Variants in GCNT2 observed in about 807,000 individuals in gnomAD.
GCNT2 encodes the protein glucosaminyl (N-acetyl) transferase 2 (I blood group).
In GCNT2, 34 loss-of-function variants were observed where a neutral mutation model predicts 34.2. The observed-to-expected ratio is 1.00, with a 90% CI of 0.76 to 1.32. The LOEUF (loss-of-function observed/expected upper bound fraction) is 1.32, where lower values mean the gene tolerates loss of function less well. Among genes scored for constraint, GCNT2 ranks in the 40% most tolerant of loss-of-function variants. The pLI, the probability that GCNT2 is intolerant of heterozygous loss-of-function variation, is 0.00. For synonymous variants in GCNT2, 212 were observed against 188.0 expected, an observed-to-expected ratio of 1.13 and a Z score of -1.04; for missense variants, 584 against 489.4, an observed-to-expected ratio of 1.19 and a Z score of -1.82.
At chr6:10,545,769 G>A (rs1270251540) in intron 3 of GCNT2, among the ~76,000 whole-genome samples, 4 of 152,200 alleles carry the variant, frequency 2.6e-5, no homozygotes, top group African/African-American at 9.7e-5. Flanking sequence ...AGCAGTGGAG[G>A]AGGGTGTAAG....
intron 3 of GCNT2, among the ~76,000 whole-genome samples, chr6:10,550,691 C>G (rs533737801): frequency 6.6e-6 from 1 of 152,186 alleles, no homozygotes; most frequent in South Asian, 2.1e-4. Flanking sequence ...CTATGTTGCT[C>G]AAGCTGGTCC....
Position 10,552,002 on chromosome 6 carries a change from A to T in GCNT2, c.925+22166A>T, listed in dbSNP as rs1581394561. 4.6e-5 allele frequency among the ~76,000 whole-genome samples: 7 copies of T among 152,024 alleles called. No homozygotes were observed. In the South Asian group the frequency reaches 8.3e-4, roughly 18 times the overall value. Reference sequence around the variant, plus strand: ...TCAAACTCCTGACCTCAGGTGATCCACCCATCTTGGCCTCCCAAAGTGCTG... The same window carrying T: ...TCAAACTCCTGACCTCAGGTGATCCTCCCATCTTGGCCTCCCAAAGTGCTG... On this transcript the variant is annotated intron_variant, in intron 3 of 4. Coordinates refer to ENST00000495262, the MANE Select transcript of GCNT2 (RefSeq NM_145649.5).
chr6:10,555,611 C>T (rs1486794953), intron 3 of GCNT2: 7 of 310,528 alleles, frequency 2.3e-5, no homozygotes. Flanking sequence ...CTAAGACAAA[C>T]ACCACAGCCG....
At chr6:10,530,146 G>C (rs1761414469) in intron 3 of GCNT2, 2 of 289,988 alleles carry the variant, frequency 6.9e-6, no homozygotes, top group South Asian at 3.7e-5. Flanking sequence ...TGGATCACTT[G>C]AGGTCAGGAG....
At chr6:10,548,344 C>T (rs1762351626) in intron 3 of GCNT2, among the ~76,000 whole-genome samples, 1 of 152,204 alleles carries the variant, frequency 6.6e-6, no homozygotes, top group South Asian at 2.1e-4. Flanking sequence ...TCCTGGGCCT[C>T]CCAGAAAGGG....
At chr6:10,606,950 A>G (rs1765349227) in intron 3 of GCNT2, among the ~76,000 whole-genome samples, 1 of 151,652 alleles carries the variant, frequency 6.6e-6, no homozygotes, top group African/African-American at 2.4e-5. Context: ...ATTTATTTTT[A>G]TTATTTATTT....
chr6:10,591,215 A>T (rs1764627218), intron 3 of GCNT2, among the ~76,000 whole-genome samples: 2 of 152,240 alleles, frequency 1.3e-5, no homozygotes, highest in Admixed American at 1.3e-4. Context: ...CGCTGCATGC[A>T]TCACTATGCA....
chr6:10,616,398 C>G (rs907308037), intron 3 of GCNT2, among the ~76,000 whole-genome samples: 1 of 152,272 alleles, frequency 6.6e-6, no homozygotes, highest in East Asian at 1.9e-4. Flanking sequence ...AACAGGGTAC[C>G]GCTGTTAGTT....
At chr6:10,523,426 CAAAAGA>C (rs1761022855) in intron 1 of GCNT2, among the ~76,000 whole-genome samples, 1 of 82,674 alleles carries the variant, frequency 1.2e-5, no homozygotes, top group South Asian at 6.1e-4. Flanking sequence ...AACTCCGTCT[CAAAAGA>C]AAAAAAAAAA....
intron 1 of GCNT2, among the ~76,000 whole-genome samples, chr6:10,523,937 C>T (rs1581351207): frequency 7.2e-6 from 1 of 138,744 alleles, no homozygotes; most frequent in Admixed American, 7.8e-5. Context: ...CGCGCCACTG[C>T]ACTCCAGCCT....
chr6:10,619,704 T>A (rs74660903), intron 3 of GCNT2: 19,671 of 152,160 alleles, frequency 0.13, 2,083 homozygotes, highest in African/African-American at 0.29. Flanking sequence ...TTTACCTGGC[T>A]CTGCAACAAA....
rs763587093 is a variant in GCNT2 at position 10,529,115 on chromosome 6, C to G, written c.204C>G (p.Thr68=). The G allele has an allele frequency of 6.2e-7, 1 of 1,613,934 alleles. No individual in the cohort carries two copies. The highest frequency in any genetic ancestry group is 8.5e-7 in the Non-Finnish European group (1 of 1,179,966). Residue 68 remains threonine (T), a synonymous_variant, in exon 3 of 5, where the codon ACC becomes ACG. Coordinates refer to ENST00000495262, the MANE Select transcript of GCNT2 (RefSeq NM_145649.5). Reference sequence around the variant, plus strand: ...CAACAGAAAATGCATTGAAAACTACCCTTGATGAAGCTACCTGCTATGAGT... The same window carrying G: ...CAACAGAAAATGCATTGAAAACTACGCTTGATGAAGCTACCTGCTATGAGT... ...FYPTENALKT[T]LDEATCYEYM...
chr6:10,617,179 C>T (rs571438939), intron 3 of GCNT2, among the ~76,000 whole-genome samples: 1 of 152,286 alleles, frequency 6.6e-6, no homozygotes, highest in South Asian at 2.1e-4. Context: ...CAGACATGGC[C>T]GGCTGCAGGT....
At chr6:10,586,024 C>T (rs1394423727) in intron 3 of GCNT2, 1 of 1,614,042 alleles carries the variant, frequency 6.2e-7, no homozygotes. Flanking sequence ...TTTGCTTTCA[C>T]TCTGCTCAGC....
intron 3 of GCNT2, among the ~76,000 whole-genome samples, chr6:10,530,430 A>G (rs1761429645): frequency 1.3e-5 from 2 of 152,298 alleles, no homozygotes; most frequent in South Asian, 4.1e-4. Flanking sequence ...TAAAATCAGG[A>G]ATATGTATTA....
At chr6:10,621,749 A>T (rs983117255) in intron 4 of GCNT2, 5 of 369,994 alleles carry the variant, frequency 1.4e-5, no homozygotes, top group Middle Eastern at 9.1e-4. Flanking sequence ...TCACTCTGTC[A>T]TTCAAGCTGG....
chr6:10,528,170 T>C (rs1761293726), intron 2 of GCNT2, among the ~76,000 whole-genome samples: 1 of 152,190 alleles, frequency 6.6e-6, no homozygotes, highest in Non-Finnish European at 1.5e-5. Flanking sequence ...AGCTTGCTAA[T>C]TAATGGGCAT....
chr6:10,586,076 G>T (rs201305914), intron 3 of GCNT2: 3 of 1,614,082 alleles, frequency 1.9e-6, no homozygotes, highest in South Asian at 1.1e-5. Flanking sequence ...AATTGAGCCC[G>T]CCAAAAAGTT....
chr6:10,627,924 G>A lies in GCNT2; in HGVS notation c.*1317G>A, dbSNP rs137926677. ...GACCTGTTGTGTTCCAGCCATTCTG[G>A]TATTCCTTTATGTATCTAATTTCAT... On this transcript the variant is annotated 3_prime_UTR_variant, in exon 5 of 5. Transcript: ENST00000495262. 1,067 of 152,630 alleles carry A rather than the reference G, an allele frequency of 7.0e-3. 7 individuals carry two copies. Among genetic ancestry groups the A allele is most frequent in the Non-Finnish European group, 0.011 (779 of 67,998 alleles). 9.5% of individuals were successfully genotyped at this position (152,630 alleles called of 1,614,324 possible). A position where few individuals can be genotyped will look rare whatever the true frequency, so the allele number is the denominator to read the frequency against.
Sources: gnomAD v4.1 joint callset for allele counts (sites outside exome capture counted in the v4.1 genomes callset) on GRCh38, gnomAD v4.1.1 for gene constraint, MANE v1.5 for transcripts, NCBI Gene and HGNC (gene_info 2026-07-23, HGNC 2026-07-21) for gene names.